BTC: variants seen among roughly 807,000 people sequenced by gnomAD.
BTC encodes probetacellulin.
A neutral mutation model predicts 18.1 loss-of-function variants in BTC; 13 were observed. The ratio of observed to expected loss-of-function variants is 0.72; its 90% CI spans 0.47 to 1.14. BTC has a LOEUF of 1.14. Ranked by LOEUF, BTC falls within the 50% of genes most tolerant of loss-of-function variation. The probability of loss-of-function intolerance (pLI) is 0.00; values close to 1 mark genes in which losing one functional copy is unlikely to be tolerated. For missense variants in BTC, 247 were observed against 224.2 expected (o/e 1.10, Z -0.65); for synonymous variants, 83 against 79.4 (o/e 1.05, Z -0.24).
intron 1 of BTC, among the ~76,000 whole-genome samples, chr4:74,784,198 C>T (rs1185292616): frequency 2.0e-5 from 3 of 148,690 alleles, no homozygotes; most frequent in Non-Finnish European, 4.4e-5. Flanking sequence ...TGCCACTGCA[C>T]TCCAGGCTGG....
intron 1 of BTC, among the ~76,000 whole-genome samples, chr4:74,788,750 G>C (rs904266645): frequency 6.6e-6 from 1 of 152,190 alleles, no homozygotes; most frequent in South Asian, 2.1e-4. Flanking sequence ...ATATGTTAAT[G>C]TTTTGCTAAT....
At chr4:74,789,563 G>T (rs905094181) in intron 1 of BTC, among the ~76,000 whole-genome samples, 1 of 152,086 alleles carries the variant, frequency 6.6e-6, no homozygotes, top group African/African-American at 2.4e-5. Context: ...CACAAAAGGA[G>T]TTTAAGCAAC....
intron 4 of BTC, among the ~76,000 whole-genome samples, chr4:74,749,865 C>T (rs1328909257): frequency 1.4e-5 from 2 of 140,348 alleles, no homozygotes; most frequent in East Asian, 2.1e-4. Context: ...GAGGCTGAGG[C>T]GGGAGGATCA....
chr4:74,767,683 G>C (rs761748882), intron 2 of BTC, among the ~76,000 whole-genome samples: 3 of 151,996 alleles, frequency 2.0e-5, no homozygotes, highest in Non-Finnish European at 2.9e-5. Flanking sequence ...CTACAGCATG[G>C]TACTGGCATA....
chr4:74,792,494 T>C (rs1338811886), intron 1 of BTC, among the ~76,000 whole-genome samples: 1 of 152,196 alleles, frequency 6.6e-6, no homozygotes, highest in Non-Finnish European at 1.5e-5. Flanking sequence ...CCCCTTCCTA[T>C]ACTGCACCTC....
intron 1 of BTC, among the ~76,000 whole-genome samples, chr4:74,776,065 G>A (rs1025586757): frequency 1.3e-5 from 2 of 151,822 alleles, no homozygotes; most frequent in Non-Finnish European, 2.9e-5. Flanking sequence ...TTAATACTGG[G>A]GTTTTATTCT....
chr4:74,783,947 G>A (rs1268643759), intron 1 of BTC, among the ~76,000 whole-genome samples: 1 of 151,902 alleles, frequency 6.6e-6, no homozygotes, highest in Non-Finnish European at 1.5e-5. Flanking sequence ...GAATGCTAGG[G>A]ATTAGGCTGG....
chr4:74,782,304 G>A (rs765714334), intron 1 of BTC, among the ~76,000 whole-genome samples: 1 of 152,104 alleles, frequency 6.6e-6, no homozygotes, highest in Admixed American at 6.6e-5. Context: ...CCCACTATGT[G>A]TCCATGTGTT....
chr4:74,747,818 T>C (rs1005425018), intron 5 of BTC, among the ~76,000 whole-genome samples: 3 of 152,130 alleles, frequency 2.0e-5, no homozygotes, highest in Non-Finnish European at 4.4e-5. Flanking sequence ...CCCACAACCA[T>C]GCAGAATTAG....
chr4:74,767,327 A>C (rs754674734), intron 2 of BTC, among the ~76,000 whole-genome samples: 19 of 151,966 alleles, frequency 1.3e-4, no homozygotes, highest in Non-Finnish European at 2.4e-4. Flanking sequence ...AAAATAAGCT[A>C]ATTTACGATA....
chr4:74,754,049 C>T (rs546221789), intron 3 of BTC, among the ~76,000 whole-genome samples: 1 of 152,322 alleles, frequency 6.6e-6, no homozygotes, highest in South Asian at 2.1e-4. Context: ...GAAAAGGTAA[C>T]TGACCCATTG....
intron 2 of BTC, among the ~76,000 whole-genome samples, chr4:74,759,487 G>A (rs575067915): frequency 2.2e-4 from 34 of 152,238 alleles, no homozygotes; most frequent in African/African-American, 7.9e-4. Flanking sequence ...AATCTCATAA[G>A]TGGATGGGCA....
chr4:74,786,499 C>A (rs1407310196), intron 1 of BTC, among the ~76,000 whole-genome samples: 1 of 152,238 alleles, frequency 6.6e-6, no homozygotes, highest in African/African-American at 2.4e-5. Context: ...AAGCTATCTC[C>A]ATTTCTATAG....
chr4:74,750,438 TG>T, intron 4 of BTC, 134 bp downstream of exon 4: 1 of 865,432 alleles, frequency 1.2e-6, no homozygotes, highest in Non-Finnish European at 1.7e-6. Flanking sequence ...ATATCAACAA[TG>T]GCAAAGCTCA....
chr4:74,747,079 C>G (rs1285404126), intron 5 of BTC, among the ~76,000 whole-genome samples: 5 of 152,200 alleles, frequency 3.3e-5, no homozygotes, highest in African/African-American at 1.2e-4. Flanking sequence ...TGAAGCCCAC[C>G]TTACCTCTGG....
Position 74,750,490 on chromosome 4 carries a change from A to C in BTC, c.428+83T>G, listed in dbSNP as rs1485867475. 7 of 1,386,160 alleles carry C rather than the reference A, an allele frequency of 5.0e-6. No homozygotes were observed. In the Admixed American group the frequency reaches 1.5e-4, roughly 29 times the overall value. 85.9% of individuals were successfully genotyped at this position (1,386,160 alleles called of 1,614,324 possible). The stretch of plus-strand genomic sequence containing the variant: ...TGAATCAAAGAAAAAGCAAAAGAGA[A>C]TGTAAAGAGGAAGAAAAGAAGAAAA... On this transcript the variant is annotated intron_variant, in intron 4 of 5. Coordinates refer to ENST00000395743, the MANE Select transcript of BTC (RefSeq NM_001729.4).
chr4:74,755,015 C>T (rs1030794636), intron 3 of BTC, among the ~76,000 whole-genome samples: 1 of 151,392 alleles, frequency 6.6e-6, no homozygotes, highest in African/African-American at 2.4e-5. Context: ...TTGTTATCTG[C>T]CTCCATGTAT....
In BTC at chr4:74,770,140, G is replaced by A. The variant is rs1190074663; in HGVS notation, c.81C>T (p.His27=). The A allele has an allele frequency of 3.7e-6, 6 of 1,612,258 alleles. No homozygotes were observed. The Admixed American group carries it at 8.4e-5, about 23-fold the overall frequency. The change falls in exon 2 of 6, where the codon CAC becomes CAT. Residue 27 remains histidine (H), a synonymous_variant. Coordinates refer to ENST00000395743, the MANE Select transcript of BTC (RefSeq NM_001729.4). Reference sequence around the variant, plus strand: ...TGGAATTCCCATCTGCCACCACACAGTGAAGGATCACTAGACCTTCAAATT... The same window carrying A: ...TGGAATTCCCATCTGCCACCACACAATGAAGGATCACTAGACCTTCAAATT... ...LALALGLVIL[H]CVVADGNSTR...
At chr4:74,761,366 G>T (rs1724752855) in intron 2 of BTC, among the ~76,000 whole-genome samples, 1 of 152,110 alleles carries the variant, frequency 6.6e-6, no homozygotes, top group African/African-American at 2.4e-5. Flanking sequence ...AGCAGGGCTG[G>T]ATACTCTTTC....
Sources: gnomAD v4.1 joint callset for allele counts (sites outside exome capture counted in the v4.1 genomes callset) on GRCh38, gnomAD v4.1.1 for gene constraint, MANE v1.5 for transcripts, NCBI Gene and HGNC (gene_info 2026-07-23, HGNC 2026-07-21) for gene names.